Variants in SHLD1 observed in about 807,000 individuals in gnomAD.
The protein encoded by SHLD1 is RINN1-REV7-interacting novel NHEJ regulator 3.
SHLD1 carries 3 observed loss-of-function variants against 5.5 expected under a neutral mutation model. That is an observed-to-expected ratio of 0.54 (90% CI 0.25 to 1.40). SHLD1 has a LOEUF of 1.40. Ranked by LOEUF, SHLD1 falls within the 40% of genes most tolerant of loss-of-function variation. SHLD1 has a pLI of 0.15. For synonymous variants in SHLD1, 92 were observed against 94.3 expected, an observed-to-expected ratio of 0.98 and a Z score of 0.14; for missense variants, 210 against 244.4, an observed-to-expected ratio of 0.86 and a Z score of 0.94.
At chr20:5,840,945 G>A (rs2087850460) in intron 2 of SHLD1, among the ~76,000 whole-genome samples, 1 of 151,916 alleles carries the variant, frequency 6.6e-6, no homozygotes, top group South Asian at 2.1e-4. Flanking sequence ...GCTTGTTCTG[G>A]CCTTAGTCAA....
intron 2 of SHLD1, among the ~76,000 whole-genome samples, chr20:5,803,265 T>C (rs750467427): frequency 2.0e-5 from 3 of 152,106 alleles, no homozygotes; most frequent in African/African-American, 2.4e-5. Context: ...TCCTGGGCTC[T>C]AGCAGACCTA....
intron 2 of SHLD1, among the ~76,000 whole-genome samples, chr20:5,801,378 G>T (rs2087292071): frequency 6.6e-6 from 1 of 152,134 alleles, no homozygotes; most frequent in Non-Finnish European, 1.5e-5. Context: ...GCCTGGCCCA[G>T]CCACCATCTT....
Position 5,863,237 on chromosome 20 carries a change from A to C in SHLD1, c.392A>C (p.Gln131Pro), listed in dbSNP as rs765798527. The C allele has an allele frequency of 7.4e-6, 12 of 1,614,100 alleles. No individual in the cohort carries two copies. Among genetic ancestry groups the C allele is most frequent in the Non-Finnish European group, 1.0e-5 (12 of 1,180,018 alleles). Reference sequence around the variant, plus strand: ...AAGTGCCTGTCTCAGAAAATCACTCAACTAAGAGGCCAGGAGAGCCAAAAG... The same window carrying C: ...AAGTGCCTGTCTCAGAAAATCACTCCACTAAGAGGCCAGGAGAGCCAAAAG... ...VCKCLSQKIT[Q>P]LRGQESQKYA... The change falls in exon 3 of 3, where the codon CAA (glutamine) becomes CCA (proline). Residue 131 changes from glutamine (Q) to proline (P), a missense_variant. By Grantham distance (76) the Gln-to-Pro change is moderately conservative (BLOSUM62 -1). Coordinates refer to ENST00000303142, the MANE Select transcript of SHLD1 (RefSeq NM_152504.4).
chr20:5,837,144 C>T (rs2087799176), intron 2 of SHLD1, among the ~76,000 whole-genome samples: 1 of 152,112 alleles, frequency 6.6e-6, no homozygotes, highest in Non-Finnish European at 1.5e-5. Context: ...GGAGCTATCG[C>T]AACAGGCTAC....
At chr20:5,753,664 G>C (rs918938281) in intron 1 of SHLD1, among the ~76,000 whole-genome samples, 10 of 152,146 alleles carry the variant, frequency 6.6e-5, no homozygotes, top group Admixed American at 1.3e-4. Context: ...TTGTCGCCAC[G>C]TGTACAAGCA....
At chr20:5,773,193 C>A in intron 2 of SHLD1, 150 bp downstream of exon 2, 1 of 882,402 alleles carries the variant, frequency 1.1e-6, no homozygotes, top group Non-Finnish European at 1.9e-6. Context: ...GCAAAGCTTT[C>A]AGGAGGAACT....
chr20:5,810,443 G>A (rs192112849), intron 2 of SHLD1, among the ~76,000 whole-genome samples: 1 of 152,138 alleles, frequency 6.6e-6, no homozygotes, highest in East Asian at 1.9e-4. Context: ...TATCTTTTGT[G>A]AAATGAGAGC....
At chr20:5,789,658 C>G (rs11696636) in intron 2 of SHLD1, among the ~76,000 whole-genome samples, 40,821 of 150,138 alleles carry the variant, frequency 0.27, 5,592 homozygotes, top group Middle Eastern at 0.33. Flanking sequence ...TGGCATGAAA[C>G]TATTTCTCCT....
rs1459036701 is a variant in SHLD1, at chr20:5,863,990, A to G, written c.*527A>G. The G allele has an allele frequency of 1.3e-5, 2 of 152,946 alleles. No homozygotes were observed. Among genetic ancestry groups the G allele is most frequent in the Non-Finnish European group, 2.9e-5 (2 of 68,666 alleles). 9.5% of individuals were successfully genotyped at this position (152,946 alleles called of 1,614,324 possible). ...CTGTGAGATGAGGTTTTAGAAGGATACAAAGCTCTACACCGAATCAGGTAT... is the reference window on the plus strand; with the variant it reads ...CTGTGAGATGAGGTTTTAGAAGGATGCAAAGCTCTACACCGAATCAGGTAT... On this transcript the variant is annotated 3_prime_UTR_variant, in exon 3 of 3. Transcript: ENST00000303142.
intron 2 of SHLD1, among the ~76,000 whole-genome samples, chr20:5,828,420 C>G (rs1050313110): frequency 6.6e-6 from 1 of 152,158 alleles, no homozygotes; most frequent in Non-Finnish European, 1.5e-5. Context: ...AATGGGGACT[C>G]TAGGTGCCAT....
At chr20:5,793,016 C>G (rs2087164053) in intron 2 of SHLD1, among the ~76,000 whole-genome samples, 1 of 152,132 alleles carries the variant, frequency 6.6e-6, no homozygotes, top group African/African-American at 2.4e-5. Flanking sequence ...GTTTTCCCCT[C>G]ACCATTTGTT....
At chr20:5,856,843 G>A (rs79355005) in intron 2 of SHLD1, among the ~76,000 whole-genome samples, 66 of 152,274 alleles carry the variant, frequency 4.3e-4, no homozygotes, top group Middle Eastern at 6.8e-3. Context: ...CACATTACAG[G>A]ATTTGTGGTT....
chr20:5,769,944 C>T (rs1325645042), intron 1 of SHLD1, among the ~76,000 whole-genome samples: 2 of 139,664 alleles, frequency 1.4e-5, no homozygotes, highest in African/African-American at 5.4e-5. Context: ...GCGGAGGTTG[C>T]AGTGAGCCGA....
intron 1 of SHLD1, among the ~76,000 whole-genome samples, chr20:5,764,059 G>A (rs564306450): frequency 2.5e-4 from 36 of 145,782 alleles, no homozygotes; most frequent in African/African-American, 6.8e-4. Context: ...CCCAGGAGGC[G>A]GAGGCTGCTG....
Position 5,811,414 on chromosome 20 carries a change from C to A in SHLD1, c.178+38371C>A, listed in dbSNP as rs1311944001. On this transcript the variant is annotated intron_variant, in intron 2 of 2. Transcript: ENST00000303142. ...GAAATCTCACAAAATAGACACAAAC[C>A]TCAGGAGTTTTAATTAAAAAGGACA... is the stretch of plus-strand genomic sequence containing the variant. Among the ~76,000 whole-genome samples, 3 of 152,124 alleles carry A rather than the reference C, an allele frequency of 2.0e-5. No homozygotes were observed. The East Asian group carries it at 5.8e-4, about 29-fold the overall frequency.
intron 1 of SHLD1, among the ~76,000 whole-genome samples, chr20:5,761,494 G>T (rs547863902): frequency 6.6e-6 from 1 of 151,882 alleles, no homozygotes; most frequent in Admixed American, 6.6e-5. Context: ...TGAACTAGAG[G>T]CAGGCTGAGA....
intron 1 of SHLD1, among the ~76,000 whole-genome samples, chr20:5,771,110 T>G (rs868300549): frequency 6.6e-6 from 1 of 152,232 alleles, no homozygotes; most frequent in East Asian, 1.9e-4. Flanking sequence ...CTGTACACTA[T>G]GCTTAGCTTT....
At chr20:5,840,294 A>G (rs2087842084) in intron 2 of SHLD1, among the ~76,000 whole-genome samples, 1 of 152,044 alleles carries the variant, frequency 6.6e-6, no homozygotes, top group Non-Finnish European at 1.5e-5. Flanking sequence ...AGTCCACTCA[A>G]TACCTATTCC....
chr20:5,793,972 A>C (rs1178029838), intron 2 of SHLD1, among the ~76,000 whole-genome samples: 1 of 151,974 alleles, frequency 6.6e-6, no homozygotes, highest in Non-Finnish European at 1.5e-5. Flanking sequence ...AGCCTCCCAA[A>C]GTGCTGGGAT....
Sources: gnomAD v4.1 joint callset for allele counts (sites outside exome capture counted in the v4.1 genomes callset) on GRCh38, gnomAD v4.1.1 for gene constraint, MANE v1.5 for transcripts, NCBI Gene and HGNC (gene_info 2026-07-23, HGNC 2026-07-21) for gene names.